The following TMEM92 variants were observed in gnomAD, a reference collection of about 807,000 sequenced individuals.
TMEM92 encodes transmembrane protein 92.
Under a neutral mutation model 14.6 loss-of-function variants are expected in TMEM92, and 15 were observed. That is an observed-to-expected ratio of 1.03 (90% CI 0.69 to 1.58). The LOEUF (loss-of-function observed/expected upper bound fraction) is 1.58. TMEM92 is among the 40% of genes most tolerant of loss of function. TMEM92 has a pLI of 0.00. For synonymous variants in TMEM92, 85 were observed against 83.3 expected (o/e 1.02, Z -0.11); for missense variants, 174 against 202.4 (o/e 0.86, Z 0.85).
At position 50,279,027 on chromosome 17, in the gene TMEM92, C is replaced by T. The variant is rs199792198; in HGVS notation, c.366+31C>T. The T allele has an allele frequency of 2.4e-4, 367 of 1,511,954 alleles. No individual in the cohort carries two copies. In the African/African-American group the frequency reaches 4.4e-3, roughly 18 times the overall value. 93.7% of individuals were successfully genotyped at this position (1,511,954 alleles called of 1,614,324 possible). A position where few individuals can be genotyped will look rare whatever the true frequency, so the allele number is the denominator to read the frequency against. On this transcript the variant is annotated intron_variant, in intron 4 of 4. Transcript: ENST00000507382. Reference sequence around the variant, plus strand: ...TGTCTCATCCCCATCCCCACCTTGCCTCTGGCCGGCTGTGCAGCAGAGACA... The same window carrying T: ...TGTCTCATCCCCATCCCCACCTTGCTTCTGGCCGGCTGTGCAGCAGAGACA...
chr17:50,275,837 A>T (rs928145199), intron 1 of TMEM92, among the ~76,000 whole-genome samples: 6 of 152,138 alleles, frequency 3.9e-5, no homozygotes, highest in Non-Finnish European at 5.9e-5. Flanking sequence ...GTATATATAT[A>T]TTTTTAATTT....
rs141516787 is a variant in TMEM92, at chr17:50,279,217, G to T, written c.389G>T (p.Gly130Val). The T allele has an allele frequency of 1.2e-6, 2 of 1,613,984 alleles. No homozygotes were observed. The highest frequency in any genetic ancestry group is 1.7e-6 in the Non-Finnish European group (2 of 1,179,942). Residue 130 changes from glycine to valine, a missense_variant, in exon 5 of 5, where the codon GGC (glycine) becomes GTC (valine). Gly to Val is a moderately radical substitution (Grantham distance 109). Transcript: ENST00000507382. ...YSEVILKPSL[G>V]PTPTEPPPPY... is the part of the protein sequence containing the mutation. ...CAGGTGATTCTGAAGCCCAGCCTGG[G>T]CCCAACTCCCACAGAGCCACCCCCT...
chr17:50,274,621 T>A, intron 1 of TMEM92, 51 bp downstream of exon 1: 8 of 1,530,448 alleles, frequency 5.2e-6, no homozygotes, highest in Non-Finnish European at 5.4e-6. Context: ...CCCTTGTAGG[T>A]CAGGAGCCTG....
chr17:50,273,223 GCTGCACTGCTC>G (rs1027732866), upstream of TMEM92, among the ~76,000 whole-genome samples: 1 of 152,182 alleles, frequency 6.6e-6, no homozygotes, highest in Non-Finnish European at 1.5e-5. Context: ...CGCGGTCCTG[GCTGCACTGCTC>G]CTGCCTCGCC....
upstream of TMEM92, among the ~76,000 whole-genome samples, chr17:50,271,979 G>A (rs1404497843): frequency 6.6e-6 from 1 of 152,252 alleles, no homozygotes; most frequent in African/African-American, 2.4e-5. Context: ...GGTGGAGGTT[G>A]CAGTGAGCTC....
chr17:50,278,896 A>T lies in TMEM92; in HGVS notation c.266A>T (p.Asp89Val). ...FCRNCREPEP[D>V]SPVDCRGPLE... Reference sequence around the variant, plus strand: ...CGCAACTGCAGAGAGCCGGAGCCAGACAGCCCAGTGGATTGCCGGGGGCCC... The same window carrying T: ...CGCAACTGCAGAGAGCCGGAGCCAGTCAGCCCAGTGGATTGCCGGGGGCCC... The change falls in exon 4 of 5, where the codon GAC (aspartate) becomes GTC (valine). Residue 89 changes from aspartate (D) to valine (V), a missense_variant. Coordinates refer to ENST00000507382, the MANE Select transcript of TMEM92 (RefSeq NM_153229.3). The T allele has an allele frequency of 1.2e-6, 2 of 1,613,818 alleles. No homozygotes were observed. Among genetic ancestry groups the T allele is most frequent in the Non-Finnish European group, 1.7e-6 (2 of 1,179,890 alleles).
At chr17:50,272,182 CCCCCTCCTCCTG>C (rs1910268558), upstream of TMEM92, among the ~76,000 whole-genome samples, 1 of 152,004 alleles carries the variant, frequency 6.6e-6, no homozygotes, top group Non-Finnish European at 1.5e-5. Context: ...CCAGCCTCCT[CCCCCTCCTCCTG>C]CCCCTCTTCA....
chr17:50,280,137 G>A lies in TMEM92; in HGVS notation c.*829G>A. On this transcript the variant is annotated 3_prime_UTR_variant, in exon 5 of 5. Coordinates refer to ENST00000507382, the MANE Select transcript of TMEM92 (RefSeq NM_153229.3). ...TCTGGCTGTCTTACCATGAGAAGTTGGTAAGTTGGCTGTGAGGGGGTTGGA... is the reference window on the plus strand; with the variant it reads ...TCTGGCTGTCTTACCATGAGAAGTTAGTAAGTTGGCTGTGAGGGGGTTGGA... The A allele has an allele frequency of 6.6e-6, 1 of 152,242 alleles. No individual in the cohort carries two copies. The highest frequency in any genetic ancestry group is 1.9e-4 in the East Asian group (1 of 5,200). The allele number at this position is 152,242 out of a possible 1,614,324, so 9.4% of individuals were successfully genotyped here.
intron 2 of TMEM92, among the ~76,000 whole-genome samples, chr17:50,278,215 C>G (rs944270123): frequency 6.6e-6 from 1 of 152,164 alleles, no homozygotes; most frequent in Non-Finnish European, 1.5e-5. Flanking sequence ...TGCCACGTGG[C>G]CTCTTTCCCC....
At chr17:50,271,515 T>C (rs1910245044), upstream of TMEM92, 1 of 152,080 alleles carries the variant, frequency 6.6e-6, no homozygotes, top group Non-Finnish European at 1.5e-5. Context: ...CCGGCTTAAT[T>C]GCTTTTGTTT....
chr17:50,274,832 C>T (rs964955592), intron 1 of TMEM92: 1 of 526,992 alleles, frequency 1.9e-6, no homozygotes, highest in Middle Eastern at 4.9e-4. Context: ...TGACACCTAG[C>T]ACGTCTCTGT....
chr17:50,277,057 CTG>C (rs2098081881), intron 1 of TMEM92, among the ~76,000 whole-genome samples: 2 of 152,198 alleles, frequency 1.3e-5, no homozygotes, highest in South Asian at 2.1e-4. Flanking sequence ...CCCTGCAGAC[CTG>C]GTACAGAAGA....
chr17:50,279,640 T>C lies in TMEM92; in HGVS notation c.*332T>C. 1 of 319,548 alleles carries C rather than the reference T, an allele frequency of 3.1e-6. No homozygotes were observed. The highest frequency in any genetic ancestry group is 5.9e-6 in the Non-Finnish European group (1 of 168,796). 19.8% of individuals were successfully genotyped at this position (319,548 alleles called of 1,614,324 possible). A position where few individuals can be genotyped will look rare whatever the true frequency, so the allele number is the denominator to read the frequency against. On this transcript the variant is annotated 3_prime_UTR_variant, in exon 5 of 5. Coordinates refer to ENST00000507382, the MANE Select transcript of TMEM92 (RefSeq NM_153229.3). Reference sequence around the variant, plus strand: ...CCCCATTTCTGGAGGTATGCAAATCTTGACTGGACAGCCAGCTCTGAGATT... The same window carrying C: ...CCCCATTTCTGGAGGTATGCAAATCCTGACTGGACAGCCAGCTCTGAGATT...
At chr17:50,274,263 C>T (rs960750282), upstream of TMEM92, among the ~76,000 whole-genome samples, 1 of 152,178 alleles carries the variant, frequency 6.6e-6, no homozygotes, top group African/African-American at 2.4e-5. Context: ...CCACCGCGCC[C>T]GGGACCGCTT....
upstream of TMEM92, among the ~76,000 whole-genome samples, chr17:50,272,216 C>T (rs895526677): frequency 6.6e-6 from 1 of 151,990 alleles, no homozygotes; most frequent in Non-Finnish European, 1.5e-5. Flanking sequence ...GGCACTGGTG[C>T]CCGCCTAGTT....
intron 1 of TMEM92, among the ~76,000 whole-genome samples, chr17:50,276,951 C>T (rs950425105): frequency 1.3e-5 from 2 of 152,162 alleles, no homozygotes; most frequent in African/African-American, 4.8e-5. Context: ...GAGCTGGAGC[C>T]AGCCTTGCAG....
chr17:50,277,572 G>C (rs541102866), intron 1 of TMEM92, 143 bp from the exon 2 acceptor site: 1 of 904,732 alleles, frequency 1.1e-6, no homozygotes, highest in African/African-American at 1.6e-5. Context: ...GGTGGAGTGA[G>C]GTGGGGGGTG....
At chr17:50,277,876 C>T in intron 2 of TMEM92, 136 bp downstream of exon 2, 2 of 1,131,694 alleles carry the variant, frequency 1.8e-6, no homozygotes, top group Non-Finnish European at 2.6e-6. Flanking sequence ...AAACTGTCCC[C>T]CCACTTTCCC....
upstream of TMEM92, among the ~76,000 whole-genome samples, chr17:50,273,031 T>G (rs2143033180): frequency 6.7e-6 from 1 of 150,076 alleles, no homozygotes; most frequent in Non-Finnish European, 1.5e-5. Context: ...GGGAGAAGGG[T>G]GAGAGGCAGA....
Sources: gnomAD v4.1 joint callset for allele counts (sites outside exome capture counted in the v4.1 genomes callset) on GRCh38, gnomAD v4.1.1 for gene constraint, MANE v1.5 for transcripts, NCBI Gene and HGNC (gene_info 2026-07-23, HGNC 2026-07-21) for gene names.